Variants in ACTN1 observed in about 807,000 individuals in gnomAD.
ACTN1 encodes the protein alpha-actinin-1.
ACTN1 carries 30 observed loss-of-function variants against 119.6 expected under a neutral mutation model. The observed-to-expected ratio is 0.25, with a 90% CI of 0.19 to 0.34. The LOEUF is 0.34. Ranked by LOEUF, ACTN1 falls within the 10% of genes least tolerant of loss-of-function variation. ACTN1 has a pLI of 1.00. For missense variants in ACTN1, 764 were observed against 1,223.4 expected, an observed-to-expected ratio of 0.62 and a Z score of 5.60; for synonymous variants, 429 against 472.6, an observed-to-expected ratio of 0.91 and a Z score of 1.20.
intron 1 of ACTN1, among the ~76,000 whole-genome samples, chr14:68,957,750 G>A (rs2036395925): frequency 6.6e-6 from 1 of 152,176 alleles, no homozygotes; most frequent in South Asian, 2.1e-4. Flanking sequence ...CAAGGCATCT[G>A]GCCAGCATGG....
Position 68,909,356 on chromosome 14 carries a change from G to A in ACTN1, c.556C>T (p.His186Tyr), listed in dbSNP as rs1437889022. 1 of 1,614,102 alleles carries A rather than the reference G, an allele frequency of 6.2e-7. No individual in the cohort carries two copies. The highest frequency in any genetic ancestry group is 8.5e-7 in the Non-Finnish European group (1 of 1,180,008). Residue 186 changes from histidine to tyrosine, a missense_variant, in exon 6 of 22, where the codon CAC (histidine) becomes TAC (tyrosine). Physicochemically the swap from His to Tyr is moderately conservative, Grantham distance 83 (BLOSUM62 2). Around this residue, in one of 4 missense-constraint regions of ACTN1, gnomAD observed 544 missense variants for 912.0 expected, o/e 0.60. Transcript: ENST00000394419. The surrounding 1 kb of genome is among the most constrained non-coding windows in gnomAD (Gnocchi z 4.1). ...CCGTAGTCAATCAGCTCGGGCCGGT[G>A]TCGGTGGATCAAAGCACAGAAGCCG... ...GLGFCALIHR[H>Y]RPELIDYGKL...
chr14:68,953,012 T>C (rs1225094249), intron 1 of ACTN1, among the ~76,000 whole-genome samples: 1 of 152,104 alleles, frequency 6.6e-6, no homozygotes, highest in African/African-American at 2.4e-5. Context: ...TTCCCATCCC[T>C]AGGGGCATCT....
chr14:68,903,246 C>T (rs3784134), intron 7 of ACTN1, among the ~76,000 whole-genome samples: 58,344 of 152,034 alleles, frequency 0.38, 12,259 homozygotes, highest in African/African-American at 0.57. Flanking sequence ...GGTTTTTATG[C>T]GTTTGAAAAT....
intron 21 of ACTN1, 23 bp from the exon 22 acceptor site, chr14:68,875,040 A>T (rs766220501): frequency 6.2e-7 from 1 of 1,610,410 alleles, no homozygotes. Flanking sequence ...AGTGGTCAGG[A>T]AGGCCGCAAA....
chr14:68,944,645 C>A (rs1241017538), intron 1 of ACTN1, among the ~76,000 whole-genome samples: 1 of 152,060 alleles, frequency 6.6e-6, no homozygotes, highest in East Asian at 1.9e-4. Context: ...AAAACAGGAC[C>A]CTGAACTGAT....
At chr14:68,929,827 G>A (rs1202233756) in intron 1 of ACTN1, among the ~76,000 whole-genome samples, 3 of 152,216 alleles carry the variant, frequency 2.0e-5, no homozygotes, top group South Asian at 4.1e-4. Flanking sequence ...TGACCTCGAA[G>A]CCACTGCCCA....
intron 1 of ACTN1, among the ~76,000 whole-genome samples, chr14:68,945,902 C>T (rs1334904735): frequency 6.6e-6 from 1 of 152,164 alleles, no homozygotes; most frequent in Non-Finnish European, 1.5e-5. Flanking sequence ...AACCCACTGC[C>T]CCAAGTGTTC....
chr14:68,963,136 T>C (rs981907932), intron 1 of ACTN1, among the ~76,000 whole-genome samples: 21 of 152,334 alleles, frequency 1.4e-4, no homozygotes, highest in African/African-American at 5.1e-4. Flanking sequence ...CCGCACCCGC[T>C]TGGCCTGACT....
At chr14:68,937,020 C>T (rs764558682) in intron 1 of ACTN1, among the ~76,000 whole-genome samples, 3 of 152,126 alleles carry the variant, frequency 2.0e-5, no homozygotes, top group Non-Finnish European at 4.4e-5. Context: ...CTAACCATTT[C>T]AACTTTTTTG....
In ACTN1 at chr14:68,880,811, T is replaced by A; in HGVS notation, c.2132A>T (p.Glu711Val). ...FDNKHTNYTM[E>V]HIRVGWEQLL... ...AGGAACAAGGCCAGCCCCACCCACC[T>A]CCATGGTGTAGTTGGTGTGCTTGTT... is the stretch of plus-strand genomic sequence containing the variant. Residue 711 changes from glutamate (E) to valine (V), a missense_variant and splice_region_variant, in exon 17 of 22, where the codon GAG (glutamate) becomes GTG (valine). Glu to Val is a moderately radical substitution (Grantham distance 121, BLOSUM62 -2). Coordinates refer to ENST00000394419, the MANE Select transcript of ACTN1 (RefSeq NM_001130004.2). This position sits in a 1 kb window ranked among gnomAD's most constrained non-coding sequence, Gnocchi z 4.6. 6.2e-7 allele frequency: 1 copy of A among 1,613,942 alleles called. No homozygotes were observed. Among genetic ancestry groups the A allele is most frequent in the Non-Finnish European group, 8.5e-7 (1 of 1,179,874 alleles).
chr14:68,879,541 G>A lies in ACTN1; in HGVS notation c.2280+421C>T, dbSNP rs2140063801. Among the ~76,000 whole-genome samples, 1 of 152,258 alleles carries A rather than the reference G, an allele frequency of 6.6e-6. No individual in the cohort carries two copies. Among genetic ancestry groups the A allele is most frequent in the Admixed American group, 6.5e-5 (1 of 15,306 alleles). ...ACCCAGAGCTGGGATGGGAACCCAGGACCAAGGCCTCTGACATCCCCAGCA... is the reference window on the plus strand; with the variant it reads ...ACCCAGAGCTGGGATGGGAACCCAGAACCAAGGCCTCTGACATCCCCAGCA... On this transcript the variant is annotated intron_variant, in intron 18 of 21. Transcript: ENST00000394419. This position sits in a 1 kb window ranked among gnomAD's most constrained non-coding sequence, Gnocchi z 4.9.
At chr14:68,955,518 C>A (rs2036326340) in intron 1 of ACTN1, among the ~76,000 whole-genome samples, 1 of 152,118 alleles carries the variant, frequency 6.6e-6, no homozygotes, top group African/African-American at 2.4e-5. Flanking sequence ...GGTGGGCCAA[C>A]CAGGGAAGCA....
rs181477 is a variant in ACTN1 at position 68,887,969 on chromosome 14, G to A, written c.1234+2170C>T. The A allele has an allele frequency of 1.8e-3, 1,397 of 790,724 alleles. 13 individuals are homozygous for A. The African/African-American group carries it at 0.021, about 12-fold the overall frequency. 49.0% of individuals were successfully genotyped at this position (790,724 alleles called of 1,614,324 possible). On this transcript the variant is annotated intron_variant, in intron 11 of 21. Coordinates refer to ENST00000394419, the MANE Select transcript of ACTN1 (RefSeq NM_001130004.2). ...GTCTGAAGATTTATCCTTCACTGCTGCGTTTTTCGGCTTCGCTTCCACTTT... is the reference window on the plus strand; with the variant it reads ...GTCTGAAGATTTATCCTTCACTGCTACGTTTTTCGGCTTCGCTTCCACTTT...
intron 1 of ACTN1, among the ~76,000 whole-genome samples, chr14:68,963,704 T>G (rs1566677343): frequency 1.3e-5 from 2 of 152,250 alleles, no homozygotes; most frequent in African/African-American, 4.8e-5. Flanking sequence ...GATGAGTTTT[T>G]ATTCATACTA....
chr14:68,918,731 T>TA (rs35150226), intron 3 of ACTN1, among the ~76,000 whole-genome samples: 51,345 of 144,458 alleles, frequency 0.36, 9,075 homozygotes, highest in Admixed American at 0.4. Flanking sequence ...CCATCTCTAC[T>TA]AAAAAAAAAA....
intron 1 of ACTN1, among the ~76,000 whole-genome samples, chr14:68,961,909 C>T (rs898244393): frequency 1.3e-5 from 2 of 152,160 alleles, no homozygotes; most frequent in Non-Finnish European, 2.9e-5. Context: ...CACGCCCGAC[C>T]GACAGGCATT....
chr14:68,957,682 G>C (rs2036393298), intron 1 of ACTN1, among the ~76,000 whole-genome samples: 1 of 152,126 alleles, frequency 6.6e-6, no homozygotes, highest in East Asian at 1.9e-4. Flanking sequence ...GCAACTCTGT[G>C]GGTTGCAGGG....
chr14:68,950,593 A>T (rs1659568265), intron 1 of ACTN1, among the ~76,000 whole-genome samples: 2 of 148,850 alleles, frequency 1.3e-5, no homozygotes, highest in African/African-American at 5.0e-5. Context: ...ACGGAGTCTC[A>T]CTCTGTCGCC....
intron 1 of ACTN1, among the ~76,000 whole-genome samples, chr14:68,970,979 TG>T: frequency 6.6e-6 from 1 of 152,206 alleles, no homozygotes; most frequent in South Asian, 2.1e-4. Flanking sequence ...CCATGATTAC[TG>T]AAGAGAAAGC....
Sources: gnomAD v4.1 joint callset for allele counts (sites outside exome capture counted in the v4.1 genomes callset) on GRCh38, gnomAD v4.1.1 for gene constraint, gnomAD v4.1.1 regional missense constraint, Gnocchi (gnomAD v3.1) non-coding constraint, MANE v1.5 for transcripts, NCBI Gene and HGNC (gene_info 2026-07-23, HGNC 2026-07-21) for gene names.